SYNDIG1: variants seen among roughly 807,000 people sequenced by gnomAD.
The protein encoded by SYNDIG1 is synapse differentiation inducing 1, also known as synapse differentiation-inducing gene protein 1.
In SYNDIG1, 9 loss-of-function variants were observed where a neutral mutation model predicts 19.4. The observed-to-expected ratio is 0.46, with a 90% CI of 0.28 to 0.81. The LOEUF (loss-of-function observed/expected upper bound fraction) is 0.81, where lower values mean the gene tolerates loss of function less well. Among genes scored for constraint, SYNDIG1 ranks in the 30% least tolerant of loss-of-function variants. The pLI is 0.12. For synonymous variants in SYNDIG1, 141 were observed against 145.9 expected, an observed-to-expected ratio of 0.97 and a Z score of 0.24; for missense variants, 311 against 343.3, an observed-to-expected ratio of 0.91 and a Z score of 0.74.
chr20:24,653,728 C>T (rs1012275546), intron 3 of SYNDIG1, among the ~76,000 whole-genome samples: 2 of 152,170 alleles, frequency 1.3e-5, no homozygotes, highest in African/African-American at 2.4e-5. Context: ...GACTAAACAA[C>T]GGAAATTTAA....
intron 1 of SYNDIG1, among the ~76,000 whole-genome samples, chr20:24,479,159 T>C (rs1051104434): frequency 1.3e-5 from 2 of 152,284 alleles, no homozygotes; most frequent in Non-Finnish European, 2.9e-5. Context: ...AAAACAAGGA[T>C]GCAAATTGCT....
At chr20:24,637,397 A>C (rs1356103340) in intron 3 of SYNDIG1, among the ~76,000 whole-genome samples, 1 of 152,156 alleles carries the variant, frequency 6.6e-6, no homozygotes, top group Admixed American at 6.5e-5. Flanking sequence ...CCCTGTGAAA[A>C]GCAGTGGCAT....
chr20:24,582,204 C>T (rs921181365), intron 2 of SYNDIG1, among the ~76,000 whole-genome samples: 5 of 141,624 alleles, frequency 3.5e-5, no homozygotes, highest in Non-Finnish European at 7.7e-5. Context: ...CATCCTGCCC[C>T]CTGCACTTCC....
At chr20:24,486,638 A>T (rs868849714) in intron 1 of SYNDIG1, among the ~76,000 whole-genome samples, 17 of 147,356 alleles carry the variant, frequency 1.2e-4, no homozygotes, top group Admixed American at 1.4e-4. Context: ...TCTTTCTTTC[A>T]TTTATTTATT....
intron 1 of SYNDIG1, among the ~76,000 whole-genome samples, chr20:24,502,640 A>AT (rs1477517846): frequency 6.6e-6 from 1 of 152,206 alleles, no homozygotes; most frequent in Non-Finnish European, 1.5e-5. Context: ...TATTTTAGTG[A>AT]TTTTTAAGAG....
chr20:24,564,143 A>G (rs750121047), intron 2 of SYNDIG1, among the ~76,000 whole-genome samples: 8 of 151,828 alleles, frequency 5.3e-5, no homozygotes, highest in Non-Finnish European at 1.0e-4. Flanking sequence ...ATCATATCAT[A>G]ATATTATAAG....
chr20:24,563,215 T>C (rs998270483), intron 2 of SYNDIG1, among the ~76,000 whole-genome samples: 2 of 152,230 alleles, frequency 1.3e-5, no homozygotes, highest in African/African-American at 2.4e-5. Flanking sequence ...TTCAGCACTT[T>C]GGTAACTCTC....
At chr20:24,558,807 A>G (rs1267811786) in intron 2 of SYNDIG1, among the ~76,000 whole-genome samples, 2 of 152,210 alleles carry the variant, frequency 1.3e-5, no homozygotes, top group African/African-American at 2.4e-5. Flanking sequence ...ACCGCACTCC[A>G]GTACAGCCCA....
At chr20:24,518,470 G>A (rs903084280) in intron 1 of SYNDIG1, among the ~76,000 whole-genome samples, 11 of 152,196 alleles carry the variant, frequency 7.2e-5, no homozygotes, top group Non-Finnish European at 1.3e-4. Context: ...TGGAAACACG[G>A]TATATGGGCA....
intron 3 of SYNDIG1, among the ~76,000 whole-genome samples, chr20:24,649,487 G>A (rs2059449667): frequency 6.6e-6 from 1 of 152,070 alleles, no homozygotes; most frequent in Non-Finnish European, 1.5e-5. Flanking sequence ...ATAAACTCAG[G>A]GCCCATACCT....
At chr20:24,567,626 C>A (rs1371864184) in intron 2 of SYNDIG1, among the ~76,000 whole-genome samples, 1 of 152,224 alleles carries the variant, frequency 6.6e-6, no homozygotes, top group African/African-American at 2.4e-5. Flanking sequence ...CAAGTCTTAG[C>A]TTCCAAGCAC....
At chr20:24,646,067 A>C (rs1307299528) in intron 3 of SYNDIG1, among the ~76,000 whole-genome samples, 3 of 152,170 alleles carry the variant, frequency 2.0e-5, no homozygotes, top group Non-Finnish European at 2.9e-5. Flanking sequence ...GGAAGCCCCC[A>C]GTTCACATCT....
chr20:24,591,316 C>G (rs1438263283), intron 3 of SYNDIG1, among the ~76,000 whole-genome samples: 1 of 151,962 alleles, frequency 6.6e-6, no homozygotes, highest in East Asian at 1.9e-4. Context: ...ATCACTTGAG[C>G]CCAGGAGTTC....
At chr20:24,598,421 A>C (rs1487880048) in intron 3 of SYNDIG1, among the ~76,000 whole-genome samples, 2 of 152,248 alleles carry the variant, frequency 1.3e-5, no homozygotes, top group Non-Finnish European at 2.9e-5. Flanking sequence ...GTTTCACAGA[A>C]AGTTTACAGT....
intron 2 of SYNDIG1, among the ~76,000 whole-genome samples, chr20:24,573,782 G>C (rs1304106646): frequency 6.6e-6 from 1 of 152,200 alleles, no homozygotes. Context: ...AGAGTCTCAT[G>C]GTCGTGTTCC....
At chr20:24,612,720 A>G (rs1481426637) in intron 3 of SYNDIG1, among the ~76,000 whole-genome samples, 1 of 152,202 alleles carries the variant, frequency 6.6e-6, no homozygotes, top group Non-Finnish European at 1.5e-5. Flanking sequence ...GTGTGCATGA[A>G]GGGTTCCAGC....
chr20:24,548,462 G>A (rs142221179), intron 2 of SYNDIG1, among the ~76,000 whole-genome samples: 12 of 152,284 alleles, frequency 7.9e-5, no homozygotes, highest in African/African-American at 2.9e-4. Context: ...CTGCAATAGA[G>A]CACTTTACAT....
intron 2 of SYNDIG1, among the ~76,000 whole-genome samples, chr20:24,561,313 T>A (rs2057941384): frequency 6.6e-6 from 1 of 152,172 alleles, no homozygotes; most frequent in South Asian, 2.1e-4. Flanking sequence ...TATGCTTCCC[T>A]CATTTCCAGG....
intron 3 of SYNDIG1, among the ~76,000 whole-genome samples, chr20:24,657,330 G>A (rs973296545): frequency 1.3e-5 from 2 of 152,186 alleles, no homozygotes; most frequent in Non-Finnish European, 2.9e-5. Context: ...GAGATCCACA[G>A]AAGGGGCTGG....
Sources: allele counts gnomAD v4.1 joint callset (sites outside exome capture counted in the v4.1 genomes callset), GRCh38; gene constraint gnomAD v4.1.1; transcripts MANE v1.5; gene names NCBI Gene and HGNC (gene_info 2026-07-23, HGNC 2026-07-21).